Variants in DPY19L2 observed in about 807,000 individuals in gnomAD.
DPY19L2 encodes probable C-mannosyltransferase DPY19L2.
Under a neutral mutation model 97.9 loss-of-function variants are expected in DPY19L2, and 34 were observed. The ratio of observed to expected loss-of-function variants is 0.35; its 90% CI spans 0.26 to 0.46. The LOEUF is 0.46. Ranked by LOEUF, DPY19L2 falls within the 20% of genes least tolerant of loss-of-function variation. The pLI, the probability that DPY19L2 is intolerant of heterozygous loss-of-function variation, is 1.00. For missense variants in DPY19L2, 623 were observed against 911.4 expected, an observed-to-expected ratio of 0.68 and a Z score of 4.07; for synonymous variants, 230 against 307.9, an observed-to-expected ratio of 0.75 and a Z score of 2.65.
chr12:63,601,389 T>G lies in DPY19L2; in HGVS notation c.1279-1003A>C, dbSNP rs182409393. Among the ~76,000 whole-genome samples, 79 of 152,326 alleles carry G rather than the reference T, an allele frequency of 5.2e-4. 1 individual carries two copies. The highest frequency in any genetic ancestry group is 1.8e-3 in the African/African-American group (74 of 41,580). ...GCCTTGATTAAAAAGGGAAGAATTGTGTACTTCTGGTTAGCCTGGGGAAAG... is the reference window on the plus strand; with the variant it reads ...GCCTTGATTAAAAAGGGAAGAATTGGGTACTTCTGGTTAGCCTGGGGAAAG... On this transcript the variant is annotated intron_variant, in intron 12 of 21. Coordinates refer to ENST00000324472, the MANE Select transcript of DPY19L2 (RefSeq NM_173812.5).
intron 12 of DPY19L2, among the ~76,000 whole-genome samples, chr12:63,602,056 C>G: frequency 6.6e-6 from 1 of 151,744 alleles, no homozygotes; most frequent in African/African-American, 2.4e-5. Flanking sequence ...TAATGAAATC[C>G]ACACCACTGA....
chr12:63,584,015 A>G, intron 16 of DPY19L2, 179 bp from the exon 17 acceptor site: 1 of 564,822 alleles, frequency 1.8e-6, no homozygotes, highest in South Asian at 2.4e-5. Context: ...ACAATTTAAA[A>G]GTCATAATTT....
At chr12:63,622,943 T>G (rs550568729) in intron 8 of DPY19L2, among the ~76,000 whole-genome samples, 136 of 152,054 alleles carry the variant, frequency 8.9e-4, no homozygotes, top group African/African-American at 3.2e-3. Flanking sequence ...AAATAAAAAT[T>G]TGTGTATGTG....
intron 4 of DPY19L2, among the ~76,000 whole-genome samples, chr12:63,647,625 TG>T (rs1893601215): frequency 6.6e-6 from 1 of 152,136 alleles, no homozygotes; most frequent in Non-Finnish European, 1.5e-5. Context: ...ACACATTTTT[TG>T]TTGACTTTGA....
At chr12:63,608,973 G>C (rs1371324331) in intron 11 of DPY19L2, among the ~76,000 whole-genome samples, 2 of 152,048 alleles carry the variant, frequency 1.3e-5, no homozygotes, top group Non-Finnish European at 2.9e-5. Flanking sequence ...GAGCAGATGA[G>C]AGCAACCATG....
intron 19 of DPY19L2, among the ~76,000 whole-genome samples, chr12:63,580,272 C>T (rs192592688): frequency 7.4e-4 from 112 of 152,242 alleles, no homozygotes; most frequent in Non-Finnish European, 1.1e-3. Flanking sequence ...TCAAAAGTAT[C>T]TTCTGCTGTA....
At chr12:63,593,496 T>C (rs1883535689) in intron 16 of DPY19L2, among the ~76,000 whole-genome samples, 1 of 152,142 alleles carries the variant, frequency 6.6e-6, no homozygotes, top group Non-Finnish European at 1.5e-5. Context: ...TGTAGGGACA[T>C]GGATGAAATT....
intron 4 of DPY19L2, among the ~76,000 whole-genome samples, chr12:63,657,928 T>C (rs1895180957): frequency 6.6e-6 from 1 of 152,338 alleles, no homozygotes; most frequent in East Asian, 1.9e-4. Context: ...TATTGCAGAA[T>C]GCTCAGTTCT....
At chr12:63,667,799 T>C (rs1274826284) in intron 1 of DPY19L2, among the ~76,000 whole-genome samples, 1 of 152,092 alleles carries the variant, frequency 6.6e-6, no homozygotes, top group African/African-American at 2.4e-5. Flanking sequence ...CTTCTCTTGA[T>C]CCTTCCCCTC....
chr12:63,650,924 AAAAAAT>A lies in DPY19L2; in HGVS notation c.589-3565_589-3560del, dbSNP rs1011146295. On this transcript the variant is annotated intron_variant, in intron 4 of 21. Transcript: ENST00000324472. The stretch of plus-strand genomic sequence containing the variant: ...AATAAAATAAAACACATATGAAACC[AAAAAAT>A]AGTTCAAATAGCCAAAGCAATCCTA... Among the ~76,000 whole-genome samples the A allele has an allele frequency of 6.8e-4, 104 of 152,322 alleles. 1 individual carries two copies. The highest frequency in any genetic ancestry group is 2.3e-3 in the African/African-American group (95 of 41,580).
chr12:63,625,194 G>A (rs948070734), intron 7 of DPY19L2, among the ~76,000 whole-genome samples: 17 of 151,948 alleles, frequency 1.1e-4, no homozygotes, highest in Admixed American at 2.0e-4. Context: ...TCAGGAGTTC[G>A]AGACCAGCCT....
At chr12:63,637,208 G>A (rs1422689106) in intron 6 of DPY19L2, among the ~76,000 whole-genome samples, 3 of 152,056 alleles carry the variant, frequency 2.0e-5, no homozygotes, top group Non-Finnish European at 2.9e-5. Flanking sequence ...CGAAATGAAA[G>A]CAGAAATAAA....
At chr12:63,566,964 T>C in intron 21 of DPY19L2, among the ~76,000 whole-genome samples, 1 of 152,124 alleles carries the variant, frequency 6.6e-6, no homozygotes, top group East Asian at 1.9e-4. Flanking sequence ...AATTAGGCTA[T>C]CCATCACCAC....
chr12:63,650,011 T>C (rs1375601630), intron 4 of DPY19L2, among the ~76,000 whole-genome samples: 3 of 151,782 alleles, frequency 2.0e-5, no homozygotes, highest in African/African-American at 7.3e-5. Context: ...GCAAGGGTGG[T>C]TCAACACAGG....
intron 6 of DPY19L2, among the ~76,000 whole-genome samples, chr12:63,636,531 C>T (rs1245065137): frequency 2.0e-5 from 3 of 151,996 alleles, no homozygotes; most frequent in Admixed American, 6.6e-5. Context: ...TCGGGAAACC[C>T]ATCTCATGTG....
At chr12:63,604,210 A>C (rs950831644) in intron 12 of DPY19L2, among the ~76,000 whole-genome samples, 3 of 152,118 alleles carry the variant, frequency 2.0e-5, no homozygotes, top group African/African-American at 4.8e-5. Context: ...GCTACAATTC[A>C]ACTCAATTTT....
chr12:63,582,667 T>A (rs1250696396), intron 17 of DPY19L2, 142 bp from the exon 18 acceptor site: 1 of 946,896 alleles, frequency 1.1e-6, no homozygotes, highest in East Asian at 2.8e-5. Flanking sequence ...CAGCAATAAT[T>A]TATCGAATGT....
intron 15 of DPY19L2, 90 bp from the exon 16 acceptor site, chr12:63,594,223 G>A (rs1293142222): frequency 2.3e-5 from 23 of 997,704 alleles, no homozygotes; most frequent in Non-Finnish European, 3.2e-5. Flanking sequence ...ACTCTGCCAA[G>A]GAAAGAAGTA....
chr12:63,609,260 C>A (rs1886566199), intron 11 of DPY19L2, among the ~76,000 whole-genome samples: 1 of 151,952 alleles, frequency 6.6e-6, no homozygotes, highest in Non-Finnish European at 1.5e-5. Flanking sequence ...CAGAAGAGGC[C>A]TTGGGTCTAT....
Sources: gnomAD v4.1 joint callset for allele counts (sites outside exome capture counted in the v4.1 genomes callset) on GRCh38, gnomAD v4.1.1 for gene constraint, MANE v1.5 for transcripts, NCBI Gene and HGNC (gene_info 2026-07-23, HGNC 2026-07-21) for gene names.